Variants in EMC2 observed in about 807,000 individuals in gnomAD.
EMC2 encodes the protein ER membrane protein complex subunit 2.
A neutral mutation model predicts 51.6 loss-of-function variants in EMC2; 37 were observed. The observed-to-expected ratio is 0.72, with a 90% CI of 0.55 to 0.94. The LOEUF (loss-of-function observed/expected upper bound fraction) is 0.94, where lower values mean the gene tolerates loss of function less well. Among genes scored for constraint, EMC2 ranks in the 40% least tolerant of loss-of-function variants. EMC2 has a pLI of 0.00. For synonymous variants in EMC2, 131 were observed against 112.4 expected (o/e 1.17, Z -1.04); for missense variants, 359 against 350.9 (o/e 1.02, Z -0.18).
intron 10 of EMC2, among the ~76,000 whole-genome samples, chr8:108,485,697 C>G (rs939825024): frequency 4.0e-5 from 6 of 150,586 alleles, no homozygotes; most frequent in African/African-American, 1.5e-4. Context: ...ATTTTGAAAT[C>G]AGCATGTGGT....
At chr8:108,474,220 C>T (rs1810908160) in intron 7 of EMC2, 1 of 151,928 alleles carries the variant, frequency 6.6e-6, no homozygotes, top group Non-Finnish European at 1.5e-5. Context: ...GCTTTATGCA[C>T]CAGTGTCACA....
At chr8:108,464,429 T>G (rs1171839027) in intron 5 of EMC2, among the ~76,000 whole-genome samples, 1 of 152,120 alleles carries the variant, frequency 6.6e-6, no homozygotes, top group East Asian at 1.9e-4. Flanking sequence ...GGCCCTGAGC[T>G]ACCTCCAGTG....
intron 7 of EMC2, among the ~76,000 whole-genome samples, chr8:108,471,693 G>C (rs1276084725): frequency 6.6e-6 from 1 of 151,704 alleles, no homozygotes; most frequent in Non-Finnish European, 1.5e-5. Context: ...ATTTACCCTA[G>C]TATTTTTAAC....
At chr8:108,456,227 G>T (rs973699580) in intron 5 of EMC2, among the ~76,000 whole-genome samples, 3 of 151,432 alleles carry the variant, frequency 2.0e-5, no homozygotes, top group Non-Finnish European at 4.4e-5. Flanking sequence ...CACCTACTCA[G>T]GAGGCTGAGG....
At chr8:108,446,012 A>G (rs781249570) in intron 1 of EMC2, 77 of 152,380 alleles carry the variant, frequency 5.1e-4, no homozygotes, top group Non-Finnish European at 8.8e-4. Context: ...CTTTCTCCCA[A>G]TCTCCTGACT....
chr8:108,480,028 T>C (rs1435957974), intron 10 of EMC2, among the ~76,000 whole-genome samples: 3 of 152,178 alleles, frequency 2.0e-5, no homozygotes, highest in African/African-American at 4.8e-5. Flanking sequence ...TCCAGTAGTC[T>C]TACTATGATT....
chr8:108,450,468 C>A lies in EMC2; in HGVS notation c.195C>A (p.Asp65Glu). 6.3e-7 allele frequency: 1 copy of A among 1,599,120 alleles called. No homozygotes were observed. The highest frequency in any genetic ancestry group is 8.6e-7 in the Non-Finnish European group (1 of 1,166,598). Reference sequence around the variant, plus strand: ...AACAGGTGATGATTGCAGCACTAGACTATGGTCGGGATGACTTGGCATTGG... The same window carrying A: ...AACAGGTGATGATTGCAGCACTAGAATATGGTCGGGATGACTTGGCATTGG... ...IYEQVMIAAL[D>E]YGRDDLALFC... Residue 65 changes from aspartate to glutamate, a missense_variant, in exon 3 of 11, where the codon GAC (aspartate) becomes GAA (glutamate). Coordinates refer to ENST00000220853, the MANE Select transcript of EMC2 (RefSeq NM_014673.5).
chr8:108,478,881 A>T, intron 9 of EMC2, 125 bp from the exon 10 acceptor site: 1 of 395,538 alleles, frequency 2.5e-6, no homozygotes, highest in South Asian at 8.9e-5. Context: ...GTTTATATTA[A>T]AAATTATTTT....
Position 108,449,923 on chromosome 8 carries a change from G to C in EMC2, c.141G>C (p.Lys47Asn), listed in dbSNP as rs1474452726. Residue 47 changes from lysine to asparagine, a missense_variant, in exon 2 of 11, where the codon AAG (lysine) becomes AAC (asparagine). By Grantham distance (94) the Lys-to-Asn change is moderately conservative (BLOSUM62 0). Transcript: ENST00000220853. ...AATTAATTAATGAATATGCTTCTAA[G>C]CTGGGAGATGATAGTAAGTTCTTTT... ...GEELINEYAS[K>N]LGDDIWIIYE... 6.6e-7 allele frequency: 1 copy of C among 1,526,410 alleles called. No homozygotes were observed. Among genetic ancestry groups the C allele is most frequent in the South Asian group, 1.1e-5 (1 of 88,696 alleles). 94.6% of individuals were successfully genotyped at this position (1,526,410 alleles called of 1,614,324 possible).
At chr8:108,455,100 G>A (rs1819118670) in intron 4 of EMC2, among the ~76,000 whole-genome samples, 1 of 151,916 alleles carries the variant, frequency 6.6e-6, no homozygotes, top group Non-Finnish European at 1.5e-5. Context: ...TACTGGATCT[G>A]TAGTTTTGTG....
intron 5 of EMC2, among the ~76,000 whole-genome samples, chr8:108,459,598 G>A (rs552225830): frequency 5.9e-5 from 9 of 152,142 alleles, no homozygotes; most frequent in Admixed American, 2.0e-4. Context: ...GGAAAGACAC[G>A]CCCCATAATT....
At chr8:108,459,719 A>T (rs866771932) in intron 5 of EMC2, among the ~76,000 whole-genome samples, 22 of 128,908 alleles carry the variant, frequency 1.7e-4, no homozygotes, top group African/African-American at 9.1e-4. Flanking sequence ...AGAGAGAGAG[A>T]GAGTGTGTGT....
At position 108,473,871 on chromosome 8, in the gene EMC2, ATTC is replaced by A. The variant is rs1810902503; in HGVS notation, c.510-2008_510-2006del. The A allele has an allele frequency of 3.9e-5, 6 of 152,148 alleles. No individual in the cohort carries two copies. In the South Asian group the frequency reaches 1.2e-3, roughly 32 times the overall value. The allele number at this position is 152,148 out of a possible 1,614,324, so 9.4% of individuals were successfully genotyped here. On this transcript the variant is annotated intron_variant, in intron 7 of 10. Transcript: ENST00000220853. ...AGATTCAAATTATTTTTACTTCTCT[ATTC>A]TTAGTCTTGTTGAGTCACTGTGTGT...
At position 108,445,480 on chromosome 8, in the gene EMC2, A is replaced by C. The variant is rs1351728348; in HGVS notation, c.40+1782A>C. On this transcript the variant is annotated intron_variant, in intron 1 of 10. Coordinates refer to ENST00000220853, the MANE Select transcript of EMC2 (RefSeq NM_014673.5). Reference sequence around the variant, plus strand: ...GGGAGTGTTCTTCCCTCCTTGCCTCACTCTTGCCCCCATTAAACTTTATCA... The same window carrying C: ...GGGAGTGTTCTTCCCTCCTTGCCTCCCTCTTGCCCCCATTAAACTTTATCA... 2.6e-5 allele frequency among the ~76,000 whole-genome samples: 4 copies of C among 151,372 alleles called. No individual in the cohort carries two copies. The East Asian group carries it at 7.8e-4, about 29-fold the overall frequency.
intron 5 of EMC2, among the ~76,000 whole-genome samples, chr8:108,456,359 A>AAAAAC (rs1819158373): frequency 6.7e-6 from 1 of 149,956 alleles, no homozygotes; most frequent in African/African-American, 2.5e-5. Context: ...AAAAAAAAAA[A>AAAAAC]AACAACTTCT....
chr8:108,479,368 A>G (rs146226930), intron 10 of EMC2, among the ~76,000 whole-genome samples: 10 of 152,290 alleles, frequency 6.6e-5, no homozygotes, highest in African/African-American at 1.7e-4. Flanking sequence ...GGCAAACGCA[A>G]AGTAATTCTA....
At chr8:108,460,752 A>G (rs1020718618) in intron 5 of EMC2, among the ~76,000 whole-genome samples, 5 of 152,232 alleles carry the variant, frequency 3.3e-5, no homozygotes, top group Non-Finnish European at 5.9e-5. Context: ...AGCATTTTGT[A>G]TAAGGGATAC....
chr8:108,484,528 C>A (rs1811101202), intron 10 of EMC2, among the ~76,000 whole-genome samples: 1 of 151,808 alleles, frequency 6.6e-6, no homozygotes, highest in South Asian at 2.1e-4. Flanking sequence ...TAAGTATAAA[C>A]CAAGAAAAAT....
At position 108,489,097 on chromosome 8, in the gene EMC2, C is replaced by T. The variant is rs1271928630; in HGVS notation, c.*2499C>T. Among the ~76,000 whole-genome samples, 2 of 152,120 alleles carry T rather than the reference C, an allele frequency of 1.3e-5. No homozygotes were observed. Among genetic ancestry groups the T allele is most frequent in the African/African-American group, 2.4e-5 (1 of 41,434 alleles). ...AAGGAGGATTAAGGGGATCCTGGGT[C>T]CCTGATATGGCATTGTTGAACACCC... On this transcript the variant is annotated 3_prime_UTR_variant, in exon 11 of 11. Coordinates refer to ENST00000220853, the MANE Select transcript of EMC2 (RefSeq NM_014673.5).
Sources: gnomAD v4.1 joint callset for allele counts (sites outside exome capture counted in the v4.1 genomes callset) on GRCh38, gnomAD v4.1.1 for gene constraint, MANE v1.5 for transcripts, NCBI Gene and HGNC (gene_info 2026-07-23, HGNC 2026-07-21) for gene names.